TASOR2: variants seen among roughly 807,000 people sequenced by gnomAD.
TASOR2 encodes transcription activation suppressor family member 2, also known as protein TASOR 2.
TASOR2 carries 84 observed loss-of-function variants against 199.5 expected under a neutral mutation model. The observed-to-expected ratio is 0.42, with a 90% CI of 0.35 to 0.50. The LOEUF is 0.50. Among genes scored for constraint, TASOR2 ranks in the 20% least tolerant of loss-of-function variants. The pLI is 0.02. For missense variants in TASOR2, 2,796 were observed against 2,835.9 expected, an observed-to-expected ratio of 0.99 and a Z score of 0.32; for synonymous variants, 1,103 against 1,046.6, an observed-to-expected ratio of 1.05 and a Z score of -1.04.
chr10:5,724,592 G>C (rs949145103), intron 8 of TASOR2, 59 bp downstream of exon 9: 2 of 400,456 alleles, frequency 5.0e-6, no homozygotes, highest in Non-Finnish European at 7.9e-6. Flanking sequence ...ATATATATTA[G>C]TTGTGCCTAG....
rs557460873 is a variant in TASOR2 at position 5,723,938 on chromosome 10, C to T, written c.247+161C>T. On this transcript the variant is annotated intron_variant, in intron 7 of 20. Coordinates refer to ENST00000328090, the Ensembl canonical transcript of TASOR2. ...TGTAGAGTTACTATTTTCTTCAGTT[C>T]CTTGGAGGCCAACTAGAAACTGAAA... Among the ~76,000 whole-genome samples the T allele has an allele frequency of 2.9e-4, 44 of 152,248 alleles. 1 individual carries two copies. The South Asian group carries it at 4.1e-3, about 14-fold the overall frequency.
rs111361652 is a variant in TASOR2, at chr10:5,746,002, T to C, written c.2758-177T>C. Among the ~76,000 whole-genome samples, 360 of 152,332 alleles carry C rather than the reference T, an allele frequency of 2.4e-3. 1 individual carries two copies. Among genetic ancestry groups the C allele is most frequent in the African/African-American group, 8.3e-3 (347 of 41,576 alleles). The stretch of plus-strand genomic sequence containing the variant: ...CTGGGGGGTATTTTAAGTCTGCCTT[T>C]AAAAGAGGGACTTGCTTGATTTGTA... On this transcript the variant is annotated intron_variant, in intron 14 of 20. Coordinates refer to ENST00000328090, the Ensembl canonical transcript of TASOR2.
At position 5,752,767 on chromosome 10, in the gene TASOR2, C is replaced by T. The variant is rs1189665886; in HGVS notation, c.6606+2740C>T. Among the ~76,000 whole-genome samples the T allele has an allele frequency of 1.3e-5, 2 of 152,214 alleles. No individual in the cohort carries two copies. The highest frequency in any genetic ancestry group is 2.9e-5 in the Non-Finnish European group (2 of 68,040). On this transcript the variant is annotated intron_variant, in intron 15 of 20. Transcript: ENST00000328090. The surrounding 1 kb of genome is among the most constrained non-coding windows in gnomAD (Gnocchi z 4.4). ...GGAGGTGTGTAGCTGGCAAACACCA[C>T]AGGGAACAGCCTCCTTGTGCCAGAG...
At chr10:5,721,102 T>C in intron 6 of TASOR2, 132 bp downstream of exon 7, 1 of 651,138 alleles carries the variant, frequency 1.5e-6, no homozygotes, top group Non-Finnish European at 2.6e-6. Flanking sequence ...TGAGGGTATA[T>C]TTGGGTAAAT....
intron 1 of TASOR2, among the ~76,000 whole-genome samples, chr10:5,700,931 G>T (rs1378696137): frequency 6.7e-6 from 1 of 150,080 alleles, no homozygotes; most frequent in African/African-American, 2.4e-5. Context: ...CATTCTGTGG[G>T]TTGTCTCTTT....
intron 6 of TASOR2, among the ~76,000 whole-genome samples, chr10:5,721,732 A>G (rs1315729928): frequency 2.0e-5 from 3 of 152,222 alleles, no homozygotes; most frequent in Admixed American, 2.0e-4. Flanking sequence ...GTGTGTGCTA[A>G]AAACAGGTGA....
In TASOR2 at chr10:5,698,161, G is replaced by A. The variant is rs1043145424; in HGVS notation, c.-288+12986G>A. Among the ~76,000 whole-genome samples, 1 of 152,212 alleles carries A rather than the reference G, an allele frequency of 6.6e-6. No individual in the cohort carries two copies. The highest frequency in any genetic ancestry group is 1.5e-5 in the Non-Finnish European group (1 of 68,026). On this transcript the variant is annotated intron_variant, in intron 1 of 20. Transcript: ENST00000328090. The surrounding 1 kb of genome is among the most constrained non-coding windows in gnomAD (Gnocchi z 4.4). Reference sequence around the variant, plus strand: ...CTATGTGACTTGCTAAGGTAAAAGTGATAACATATCAGTTTCAAGCCTAAG... The same window carrying A: ...CTATGTGACTTGCTAAGGTAAAAGTAATAACATATCAGTTTCAAGCCTAAG...
chr10:5,711,023 A>G (rs1395096512), intron 1 of TASOR2, among the ~76,000 whole-genome samples: 1 of 152,068 alleles, frequency 6.6e-6, no homozygotes, highest in Non-Finnish European at 1.5e-5. Context: ...GAATATCCCT[A>G]TTTTTTAAAG....
intron 1 of TASOR2, among the ~76,000 whole-genome samples, chr10:5,711,573 G>A (rs1174339505): frequency 1.3e-5 from 2 of 152,088 alleles, no homozygotes; most frequent in Admixed American, 6.6e-5. Flanking sequence ...AAGAGTGTCC[G>A]TAGGTCATTA....
chr10:5,730,809 C>T lies in TASOR2; in HGVS notation c.810C>T (p.Tyr270=). The change falls in exon 11 of 21, where the codon TAC becomes TAT. Residue 270 remains tyrosine, a synonymous_variant. Coordinates refer to ENST00000328090, the Ensembl canonical transcript of TASOR2. The surrounding 1 kb of genome is among the most constrained non-coding windows in gnomAD (Gnocchi z 4.1). ...CTTATTTTTCAGACCCTAGTGCTTA[C>T]ATTTTGGAAGTGTCTACTGCTTTGG... 2 of 1,614,184 alleles carry T rather than the reference C, an allele frequency of 1.2e-6. No homozygotes were observed. Among genetic ancestry groups the T allele is most frequent in the Non-Finnish European group, 1.7e-6 (2 of 1,180,038 alleles).
At chr10:5,700,808 G>A (rs902112081) in intron 1 of TASOR2, among the ~76,000 whole-genome samples, 4 of 151,770 alleles carry the variant, frequency 2.6e-5, no homozygotes, top group African/African-American at 9.7e-5. Context: ...GTGTGTGTGT[G>A]TGTGTGTTTG....
At chr10:5,743,269 G>T (rs558573319) in intron 14 of TASOR2, among the ~76,000 whole-genome samples, 18 of 152,254 alleles carry the variant, frequency 1.2e-4, no homozygotes, top group African/African-American at 1.4e-4. Context: ...CCTATACCCG[G>T]GGTCACCGGG....
chr10:5,688,887 C>T (rs1343707501), intron 1 of TASOR2, among the ~76,000 whole-genome samples: 1 of 151,922 alleles, frequency 6.6e-6, no homozygotes, highest in Non-Finnish European at 1.5e-5. Flanking sequence ...CCTGTGTTCC[C>T]AGCTACTTGG....
At position 5,731,211 on chromosome 10, in the gene TASOR2, C is replaced by T. The variant is rs753865973; in HGVS notation, c.1204+8C>T. The T allele has an allele frequency of 1.9e-5, 31 of 1,595,556 alleles. No individual in the cohort carries two copies. Among genetic ancestry groups the T allele is most frequent in the Admixed American group, 3.4e-5 (2 of 59,170 alleles). ...CTCAGAAAAGAAAAAGAGGTAAGCA[C>T]GATTTATTTATGTGGGTTATTATAA... is the stretch of plus-strand genomic sequence containing the variant. On this transcript the variant is annotated splice_region_variant and intron_variant, in intron 11 of 20. Transcript: ENST00000328090.
At chr10:5,753,664 TGC>T (rs1838409749) in intron 15 of TASOR2, among the ~76,000 whole-genome samples, 1 of 152,112 alleles carries the variant, frequency 6.6e-6, no homozygotes, top group Middle Eastern at 3.2e-3. Flanking sequence ...CCAGCCTGTT[TGC>T]CGAGATTCTT....
intron 18 of TASOR2, among the ~76,000 whole-genome samples, chr10:5,759,433 G>GT (rs1161965117): frequency 6.6e-6 from 1 of 152,208 alleles, no homozygotes; most frequent in Non-Finnish European, 1.5e-5. Context: ...GTCTAAAGCT[G>GT]TAATTTATAA....
chr10:5,693,749 T>C (rs769177559), intron 1 of TASOR2, among the ~76,000 whole-genome samples: 2 of 152,216 alleles, frequency 1.3e-5, no homozygotes, highest in Non-Finnish European at 2.9e-5. Context: ...ATTTAAAATT[T>C]CAGATAATAT....
intron 10 of TASOR2, among the ~76,000 whole-genome samples, chr10:5,728,220 CA>C (rs71388473): frequency 0.3 from 40,096 of 134,204 alleles, 5,833 homozygotes; most frequent in East Asian, 0.58. Flanking sequence ...GACCCTGTTT[CA>C]AAAAAAAAAA....
exon 19 of TASOR2, chr10:5,761,352 T>C: frequency 1.2e-6 from 2 of 1,614,054 alleles, no homozygotes; most frequent in Non-Finnish European, 1.7e-6. Flanking sequence ...GCAAATATCA[T>C]TGAATTGCTT....
Sources: allele counts gnomAD v4.1 joint callset (sites outside exome capture counted in the v4.1 genomes callset), GRCh38; gene constraint gnomAD v4.1.1; non-coding constraint Gnocchi (gnomAD v3.1); transcripts MANE v1.5; gene names NCBI Gene and HGNC (gene_info 2026-07-23, HGNC 2026-07-21).